The following NOP2 variants were observed in gnomAD, a reference collection of about 807,000 sequenced individuals.
NOP2 encodes the protein 28S rRNA (cytosine(4447)-C(5))-methyltransferase.
Under a neutral mutation model 72.7 loss-of-function variants are expected in NOP2, and 7 were observed. That is an observed-to-expected ratio of 0.10 (90% confidence interval 0.05 to 0.18). NOP2 has a LOEUF of 0.18. Among genes scored for constraint, NOP2 ranks in the 10% least tolerant of loss-of-function variants. NOP2 has a pLI of 1.00. For synonymous variants in NOP2, 387 were observed against 388.0 expected (o/e 1.00, Z 0.03); for missense variants, 954 against 1,014.7 (o/e 0.94, Z 0.81).
In NOP2 at chr12:6,557,050, T is replaced by TG. The variant is rs770023741; in HGVS notation, c.2381dup (p.Pro795ThrfsTer22). 6.8e-6 allele frequency: 11 copies of TG among 1,613,840 alleles called. No individual in the cohort carries two copies. The highest frequency in any genetic ancestry group is 1.7e-4 in the Middle Eastern group (1 of 6,060). On this transcript the variant is annotated frameshift_variant, in exon 16 of 16. Transcript: ENST00000322166. LOFTEE classifies it low-confidence loss of function (END_TRUNC). ...ACTGAGATTTCTTCCTCTTTGCTGG[T>TG]GGGGGGCGGCTGGAACGGATGGGAG... is the stretch of plus-strand genomic sequence containing the variant.
intron 9 of NOP2, among the ~76,000 whole-genome samples, 174 bp downstream of exon 9, chr12:6,562,907 T>C (rs1378898163): frequency 6.6e-6 from 1 of 151,968 alleles, no homozygotes; most frequent in East Asian, 1.9e-4. Context: ...TCCACAGAGG[T>C]CCTAGGCCCC....
rs1227442315 is a variant in NOP2 at position 6,557,547 on chromosome 12, C to A, written c.1885G>T (p.Ala629Ser). ...SSQPAKKAKG[A>S]AKTKQQLQKQ... ...TGCAGCTGCTGCTTTGTCTTTGCAG[C>A]CCCCTTGGCTTTCTTGGCTGGCTGG... Residue 629 changes from alanine to serine, a missense_variant, in exon 16 of 16, where the codon GCT becomes TCT. Physicochemically the swap from Ala to Ser is moderately conservative, Grantham distance 99. Coordinates refer to ENST00000322166, the MANE Select transcript of NOP2 (RefSeq NM_001258308.2). The A allele has an allele frequency of 6.2e-7, 1 of 1,613,826 alleles. No individual in the cohort carries two copies. Among genetic ancestry groups the A allele is most frequent in the South Asian group, 1.1e-5 (1 of 91,086 alleles).
At chr12:6,562,428 C>T (rs566172625) in intron 9 of NOP2, among the ~76,000 whole-genome samples, 1 of 152,318 alleles carries the variant, frequency 6.6e-6, no homozygotes, top group Non-Finnish European at 1.5e-5. Flanking sequence ...ATCATGGAGT[C>T]ATTGAGCAGT....
At position 6,557,252 on chromosome 12, in the gene NOP2, G is replaced by A; in HGVS notation, c.2180C>T (p.Thr727Ile). 1.2e-6 allele frequency: 2 copies of A among 1,614,062 alleles called. No homozygotes were observed. Among genetic ancestry groups the A allele is most frequent in the Non-Finnish European group, 1.7e-6 (2 of 1,179,904 alleles). Residue 727 changes from threonine (T) to isoleucine (I), a missense_variant, in exon 16 of 16, where the codon ACA becomes ATA. By Grantham distance (89) the Thr-to-Ile change is moderately conservative (BLOSUM62 -1). Coordinates refer to ENST00000322166, the MANE Select transcript of NOP2 (RefSeq NM_001258308.2). ...NAPPKGTDTQ[T>I]PAVLSPSKTQ... The stretch of plus-strand genomic sequence containing the variant: ...CTTGGATGGGGATAACACAGCCGGT[G>A]TTTGTGTGTCTGTGCCCTTGGGAGG...
Position 6,560,836 on chromosome 12 carries a change from G to C in NOP2, c.1348-49C>G, listed in dbSNP as rs534654134. On this transcript the variant is annotated intron_variant, in intron 12 of 15. Transcript: ENST00000322166. This position sits in a 1 kb window ranked among gnomAD's most constrained non-coding sequence, Gnocchi z 5.0. ...CATATGTCTCTTCTGCAACCAGCAGGGCAATATTTACTAGGGTCGAGTCTA... is the reference window on the plus strand; with the variant it reads ...CATATGTCTCTTCTGCAACCAGCAGCGCAATATTTACTAGGGTCGAGTCTA... The C allele has an allele frequency of 3.7e-6, 6 of 1,608,062 alleles. No homozygotes were observed. In the East Asian group the frequency reaches 1.3e-4, roughly 36 times the overall value.
At chr12:6,564,012 T>C in intron 5 of NOP2, 66 bp from the exon 6 acceptor site, 1 of 1,568,176 alleles carries the variant, frequency 6.4e-7, no homozygotes, top group Non-Finnish European at 8.6e-7. Context: ...CAGTTCTATC[T>C]CTATATCTTA....
intron 5 of NOP2, chr12:6,564,379 G>C (rs956954084): frequency 1.0e-5 from 2 of 195,284 alleles, no homozygotes; most frequent in African/African-American, 2.5e-5. Flanking sequence ...AAAAAAACTT[G>C]AAAAATACCT....
intron 5 of NOP2, 179 bp from the exon 6 acceptor site, chr12:6,564,125 G>A (rs760137072): frequency 1.1e-5 from 17 of 1,492,056 alleles, no homozygotes; most frequent in Non-Finnish European, 1.5e-5. Context: ...TTGAAACTAA[G>A]TAATGAGGGC....
In NOP2 at chr12:6,560,301, T is replaced by C; in HGVS notation, c.1586A>G (p.Asp529Gly). The C allele has an allele frequency of 6.2e-7, 1 of 1,613,892 alleles. No homozygotes were observed. The highest frequency in any genetic ancestry group is 8.5e-7 in the Non-Finnish European group (1 of 1,179,838). Reference protein sequence around the residue: ...ITVEENEWVVDYALKKRNVRL... With the variant: ...ITVEENEWVVGYALKKRNVRL... Reference sequence around the variant, plus strand: ...CACATTCCTCTTTTTCAGAGCATAGTCTACCACCCACTCATTCTCTTCTAC... The same window carrying C: ...CACATTCCTCTTTTTCAGAGCATAGCCTACCACCCACTCATTCTCTTCTAC... Residue 529 changes from aspartate (D) to glycine (G), a missense_variant, in exon 15 of 16, where the codon GAC becomes GGC. Around this residue, in one of 3 missense-constraint regions of NOP2, gnomAD observed 187 missense variants for 276.2 expected, o/e 0.68. Transcript: ENST00000322166. The surrounding 1 kb of genome is among the most constrained non-coding windows in gnomAD (Gnocchi z 5.0).
Position 6,566,834 on chromosome 12 carries a change from A to T in NOP2, c.104-12T>A. 6.2e-7 allele frequency: 1 copy of T among 1,607,264 alleles called. No homozygotes were observed. The highest frequency in any genetic ancestry group is 8.5e-7 in the Non-Finnish European group (1 of 1,176,390). On this transcript the variant is annotated splice_polypyrimidine_tract_variant and intron_variant, in intron 2 of 15. Transcript: ENST00000322166. ...ATTTTCGTCACTTACTGTTTAAAAA[A>T]GAAAAACGAGGCAGAACAAGTTACA... is the stretch of plus-strand genomic sequence containing the variant.
At chr12:6,566,440 C>T (rs1272440486) in intron 4 of NOP2, 89 bp downstream of exon 4, 3 of 1,516,906 alleles carry the variant, frequency 2.0e-6, no homozygotes, top group Non-Finnish European at 2.7e-6. Flanking sequence ...TTGGCTGTTC[C>T]TTTCACTCCG....
chr12:6,561,262 G>A (rs1001314043), intron 11 of NOP2, among the ~76,000 whole-genome samples, 192 bp from the exon 12 acceptor site: 8 of 152,174 alleles, frequency 5.3e-5, no homozygotes, highest in Admixed American at 3.9e-4. Flanking sequence ...TACCGATGTG[G>A]TTTTCCCATT....
intron 11 of NOP2, 36 bp downstream of exon 11, chr12:6,561,628 A>G: frequency 2.5e-6 from 4 of 1,606,780 alleles, no homozygotes; most frequent in Non-Finnish European, 3.4e-6. Context: ...AAAGCAAGAC[A>G]GCCCGATGAA....
intron 9 of NOP2, 67 bp from the exon 10 acceptor site, chr12:6,562,038 G>A: frequency 1.7e-6 from 2 of 1,209,200 alleles, no homozygotes; most frequent in Non-Finnish European, 2.4e-6. Context: ...GCCCAGGCTA[G>A]AGTGAGGTGG....
intron 11 of NOP2, 105 bp from the exon 12 acceptor site, chr12:6,561,175 G>A (rs1187183225): frequency 1.4e-6 from 2 of 1,410,074 alleles, no homozygotes; most frequent in East Asian, 2.4e-5. Context: ...ATCACCTCAA[G>A]GCAACTTCGC....
Position 6,556,957 on chromosome 12 carries a change from C to T in NOP2, c.*36G>A, listed in dbSNP as rs752886492. The T allele has an allele frequency of 3.7e-6, 6 of 1,611,720 alleles. No individual in the cohort carries two copies. In the South Asian group the frequency reaches 6.6e-5, roughly 18 times the overall value. ...AGAGGCAAGAGTTCCAACCTGGTGACAATGGCAGTGAGCCACCCGTCTAGT... is the reference window on the plus strand; with the variant it reads ...AGAGGCAAGAGTTCCAACCTGGTGATAATGGCAGTGAGCCACCCGTCTAGT... On this transcript the variant is annotated 3_prime_UTR_variant, in exon 16 of 16. Transcript: ENST00000322166.
Position 6,567,921 on chromosome 12 carries a change from T to C in NOP2, c.-3A>G. 5 of 1,611,168 alleles carry C rather than the reference T, an allele frequency of 3.1e-6. No homozygotes were observed. Among genetic ancestry groups the C allele is most frequent in the Middle Eastern group, 1.7e-4 (1 of 6,054 alleles). ...GTAGGGTCCAACTTGCGCCCCATGG[T>C]ACTGTGGCAGGCAGAAATGGGAGAA... On this transcript the variant is annotated splice_region_variant and 5_prime_UTR_variant, in exon 2 of 16. Transcript: ENST00000322166.
intron 3 of NOP2, 30 bp downstream of exon 3, chr12:6,566,747 A>C: frequency 6.2e-7 from 1 of 1,610,340 alleles, no homozygotes; most frequent in Non-Finnish European, 8.5e-7. Context: ...TACCAATTTA[A>C]CCTACTTAAG....
At position 6,558,415 on chromosome 12, in the gene NOP2, G is replaced by A. The variant is rs138408154; in HGVS notation, c.1790-773C>T. Among the ~76,000 whole-genome samples, 175 of 151,056 alleles carry A rather than the reference G, an allele frequency of 1.2e-3. 1 individual carries two copies. The highest frequency in any genetic ancestry group is 3.8e-3 in the African/African-American group (158 of 41,154). The stretch of plus-strand genomic sequence containing the variant: ...AGCCTCCGGACAATCACAACCGTGC[G>A]CCACCATGTCCGGCTAATTTTTGTA... On this transcript the variant is annotated intron_variant, in intron 15 of 15. Coordinates refer to ENST00000322166, the MANE Select transcript of NOP2 (RefSeq NM_001258308.2).
Sources: gnomAD v4.1 joint callset for allele counts (sites outside exome capture counted in the v4.1 genomes callset) on GRCh38, gnomAD v4.1.1 for gene constraint, gnomAD v4.1.1 regional missense constraint, Gnocchi (gnomAD v3.1) non-coding constraint, MANE v1.5 for transcripts, NCBI Gene and HGNC (gene_info 2026-07-23, HGNC 2026-07-21) for gene names.